The following ACOT7 variants were observed in gnomAD, a reference collection of about 807,000 sequenced individuals.
ACOT7 encodes the protein cytosolic acyl coenzyme A thioester hydrolase.
Under a neutral mutation model 40.2 loss-of-function variants are expected in ACOT7, and 12 were observed. The observed-to-expected ratio is 0.30, with a 90% CI of 0.19 to 0.48. ACOT7 has a LOEUF of 0.48. ACOT7 is among the 20% of genes least tolerant of loss of function. The pLI is 0.99. For missense variants in ACOT7, 395 were observed against 530.8 expected (o/e 0.74, Z 2.51); for synonymous variants, 228 against 219.5 (o/e 1.04, Z -0.34).
chr1:6,387,930 CTTTG>C (rs1182893989), intron 1 of ACOT7, among the ~76,000 whole-genome samples: 6 of 142,104 alleles, frequency 4.2e-5, no homozygotes, highest in Non-Finnish European at 6.0e-5. Context: ...AAATCAGGTT[CTTTG>C]TTTTTTTTTT....
chr1:6,365,413 T>G (rs1409829625), intron 1 of ACOT7, among the ~76,000 whole-genome samples: 1 of 152,138 alleles, frequency 6.6e-6, no homozygotes, highest in Non-Finnish European at 1.5e-5. Flanking sequence ...AAAGTTACAC[T>G]GTAGTCTATT....
intron 1 of ACOT7, among the ~76,000 whole-genome samples, chr1:6,374,104 T>C (rs1424635465): frequency 6.6e-6 from 1 of 152,238 alleles, no homozygotes; most frequent in Non-Finnish European, 1.5e-5. Flanking sequence ...CTGGGCAAGT[T>C]TCCTGGAATT....
rs1185058124 is a variant in ACOT7, at chr1:6,375,728, A to T, written c.143+17529T>A. On this transcript the variant is annotated intron_variant, in intron 1 of 8. Transcript: ENST00000361521. ...AAGGCGGGTGGATCACGAGGTCAGG[A>T]GATCAAGACCATCCTGGTTAACACG... Among the ~76,000 whole-genome samples, 3 of 146,580 alleles carry T rather than the reference A, an allele frequency of 2.0e-5. No homozygotes were observed. In the East Asian group the frequency reaches 6.2e-4, roughly 30 times the overall value.
intron 1 of ACOT7, among the ~76,000 whole-genome samples, chr1:6,361,094 C>T (rs1245947514): frequency 6.6e-6 from 1 of 152,174 alleles, no homozygotes; most frequent in Non-Finnish European, 1.5e-5. Flanking sequence ...GTGTCCACCA[C>T]GGATGGGTAG....
chr1:6,351,999 C>T (rs980382818), intron 1 of ACOT7, among the ~76,000 whole-genome samples: 1 of 152,162 alleles, frequency 6.6e-6, no homozygotes, highest in Non-Finnish European at 1.5e-5. Flanking sequence ...GAGTACATGC[C>T]AGGAACTGCA....
chr1:6,366,097 T>C (rs933256147), intron 1 of ACOT7, among the ~76,000 whole-genome samples: 2 of 151,928 alleles, frequency 1.3e-5, no homozygotes, highest in African/African-American at 2.4e-5. Context: ...GGTCTCACTA[T>C]GTTGGCCATG....
intron 4 of ACOT7, among the ~76,000 whole-genome samples, chr1:6,332,167 C>A (rs919007409): frequency 6.6e-6 from 1 of 152,198 alleles, no homozygotes; most frequent in Non-Finnish European, 1.5e-5. Flanking sequence ...TTTATTATTT[C>A]TAAAAATGTA....
intron 1 of ACOT7, among the ~76,000 whole-genome samples, chr1:6,353,357 C>T (rs1462240209): frequency 6.6e-6 from 1 of 151,498 alleles, no homozygotes; most frequent in Admixed American, 6.6e-5. Flanking sequence ...GGCTGCTGGG[C>T]GCGGTGGCTC....
chr1:6,292,990 C>A (rs1466034940), intron 7 of ACOT7, among the ~76,000 whole-genome samples: 3 of 150,620 alleles, frequency 2.0e-5, no homozygotes, highest in Non-Finnish European at 3.0e-5. Flanking sequence ...CCCAGGTTCA[C>A]GCCATTCTCC....
rs184890238 is a variant in ACOT7 at position 6,277,919 on chromosome 1, G to A, written c.1014+3183C>T. 4.9e-3 allele frequency among the ~76,000 whole-genome samples: 742 copies of A among 152,254 alleles called. 7 individuals are homozygous for A. Among genetic ancestry groups the A allele is most frequent in the African/African-American group, 0.017 (708 of 41,536 alleles). The stretch of plus-strand genomic sequence containing the variant: ...CATCTTCACCCACCCCACATGGTGG[G>A]CACCGTGTCCATCACCACCGTACAG... On this transcript the variant is annotated intron_variant, in intron 8 of 8. Coordinates refer to ENST00000361521, the MANE Select transcript of ACOT7 (RefSeq NM_007274.4).
chr1:6,298,194 G>GTGCAACATTGGCTCAC (rs1180242716), intron 6 of ACOT7, among the ~76,000 whole-genome samples: 3 of 152,108 alleles, frequency 2.0e-5, no homozygotes, highest in African/African-American at 7.2e-5. Context: ...GAGTGCAGTG[G>GTGCAACATTGGCTCAC]TGCAACCTTG....
chr1:6,378,549 T>A (rs1642278590), intron 1 of ACOT7, among the ~76,000 whole-genome samples: 1 of 151,842 alleles, frequency 6.6e-6, no homozygotes, highest in Non-Finnish European at 1.5e-5. Flanking sequence ...CTCACACAGC[T>A]CAGCTGCCAG....
At chr1:6,328,661 G>A (rs912974189) in intron 4 of ACOT7, among the ~76,000 whole-genome samples, 1 of 152,108 alleles carries the variant, frequency 6.6e-6, no homozygotes, top group Non-Finnish European at 1.5e-5. Flanking sequence ...CAGCCTGGGC[G>A]ACAGAGCGAG....
At chr1:6,273,495 T>A (rs1214779736) in intron 8 of ACOT7, among the ~76,000 whole-genome samples, 1 of 152,104 alleles carries the variant, frequency 6.6e-6, no homozygotes, top group South Asian at 2.1e-4. Flanking sequence ...CTGAGCCTCA[T>A]GAATATTCCA....
rs1398642032 is a variant in ACOT7, at chr1:6,264,349, GT to G, written c.*247del. ...AGCGTGCTCGGAAGCATTCCCGAGG[GT>G]TTCTGCCCAACGCCTCCCGGCGCTC... On this transcript the variant is annotated 3_prime_UTR_variant, in exon 9 of 9. Coordinates refer to ENST00000361521, the MANE Select transcript of ACOT7 (RefSeq NM_007274.4). The G allele has an allele frequency of 2.0e-6, 1 of 501,450 alleles. No homozygotes were observed. Among genetic ancestry groups the G allele is most frequent in the Non-Finnish European group, 3.5e-6 (1 of 286,300 alleles). 31.1% of individuals were successfully genotyped at this position (501,450 alleles called of 1,614,324 possible).
At position 6,268,157 on chromosome 1, in the gene ACOT7, G is replaced by A. The variant is rs146481972; in HGVS notation, c.1015-3462C>T. ...AAAAGGTTTTGAAATAGACTGTGGCGGGGGATGTCCACCTCTGTGAATAGA... is the reference window on the plus strand; with the variant it reads ...AAAAGGTTTTGAAATAGACTGTGGCAGGGGATGTCCACCTCTGTGAATAGA... On this transcript the variant is annotated intron_variant, in intron 8 of 8. Transcript: ENST00000361521. Among the ~76,000 whole-genome samples, 931 of 152,282 alleles carry A rather than the reference G, an allele frequency of 6.1e-3. 5 individuals carry two copies. The highest frequency in any genetic ancestry group is 9.6e-3 in the Non-Finnish European group (654 of 68,022).
In ACOT7 at chr1:6,273,889, T is replaced by C. The variant is rs575417097; in HGVS notation, c.1014+7213A>G. ...CAGGAGCCTGTGGCAACGGGGTGTC[T>C]AGGATGTCGAGGCAGCAGAGACCCT... is the stretch of plus-strand genomic sequence containing the variant. On this transcript the variant is annotated intron_variant, in intron 8 of 8. Coordinates refer to ENST00000361521, the MANE Select transcript of ACOT7 (RefSeq NM_007274.4). Among the ~76,000 whole-genome samples the C allele has an allele frequency of 2.0e-5, 3 of 152,306 alleles. No individual in the cohort carries two copies. In the South Asian group the frequency reaches 6.2e-4, roughly 32 times the overall value.
In ACOT7 at chr1:6,301,514, T is replaced by C. The variant is rs1639972942; in HGVS notation, c.713-6534A>G. 6.6e-6 allele frequency among the ~76,000 whole-genome samples: 1 copy of C among 152,136 alleles called. No homozygotes were observed. The highest frequency in any genetic ancestry group is 2.4e-5 in the African/African-American group (1 of 41,428). On this transcript the variant is annotated intron_variant, in intron 6 of 8. Transcript: ENST00000361521. This position sits in a 1 kb window ranked among gnomAD's most constrained non-coding sequence, Gnocchi z 4.1. ...CACGGCACCCCCAGACCACACTGCATGATGTGACATGGACGCCTGCACTGG... is the reference window on the plus strand; with the variant it reads ...CACGGCACCCCCAGACCACACTGCACGATGTGACATGGACGCCTGCACTGG...
At chr1:6,279,223 G>A (rs1000507312) in intron 8 of ACOT7, among the ~76,000 whole-genome samples, 2 of 152,250 alleles carry the variant, frequency 1.3e-5, no homozygotes, top group South Asian at 2.1e-4. Flanking sequence ...TCATAGCAGG[G>A]TCAGGGGCTG....
Sources: allele counts gnomAD v4.1 joint callset (sites outside exome capture counted in the v4.1 genomes callset), GRCh38; gene constraint gnomAD v4.1.1; non-coding constraint Gnocchi (gnomAD v3.1); transcripts MANE v1.5; gene names NCBI Gene and HGNC (gene_info 2026-07-23, HGNC 2026-07-21).